Variants in REDIC1 observed in about 807,000 individuals in gnomAD.
The protein encoded by REDIC1 is regulator of DNA class I crossover intermediates 1, also known as HEI10 Interacting Protein 1.
At chr12:39,764,975 T>A in the REDIC1 span, 1 of 1,198,350 alleles carries the variant, frequency 8.3e-7, no homozygotes. Context: ...GTCCAAAATG[T>A]TTTTCTTAAA....
At chr12:39,713,253 C>CAT in the REDIC1 span, among the ~76,000 whole-genome samples, 2 of 131,364 alleles carry the variant, frequency 1.5e-5, no homozygotes, top group African/African-American at 3.3e-5. Context: ...TGTACACACA[C>CAT]ATACGTGTAT....
At chr12:39,633,672 T>C in the REDIC1 span, among the ~76,000 whole-genome samples, 5 of 152,206 alleles carry the variant, frequency 3.3e-5, no homozygotes, top group African/African-American at 1.2e-4. Flanking sequence ...ATGTTAGTAA[T>C]GTTTGCTACC....
the REDIC1 span, among the ~76,000 whole-genome samples, chr12:39,733,162 A>G: frequency 2.0e-5 from 3 of 152,204 alleles, no homozygotes; most frequent in African/African-American, 7.2e-5. Context: ...ATTAAAGAAA[A>G]ATTTAAACAC....
At chr12:39,770,272 A>T in the REDIC1 span, among the ~76,000 whole-genome samples, 1 of 152,088 alleles carries the variant, frequency 6.6e-6, no homozygotes, top group Non-Finnish European at 1.5e-5. Context: ...CCACTGATGG[A>T]ATTTAGGTAC....
chr12:39,854,355 C>T, the REDIC1 span, among the ~76,000 whole-genome samples: 1 of 152,028 alleles, frequency 6.6e-6, no homozygotes, highest in African/African-American at 2.4e-5. Context: ...TTAACAGAAA[C>T]TATTATTATT....
At chr12:39,774,810 TA>T in the REDIC1 span, among the ~76,000 whole-genome samples, 90 of 152,294 alleles carry the variant, frequency 5.9e-4, no homozygotes, top group Admixed American at 1.5e-3. Flanking sequence ...TCATTGCATC[TA>T]AACTCCTTAT....
At chr12:39,799,754 C>G in the REDIC1 span, among the ~76,000 whole-genome samples, 1 of 152,154 alleles carries the variant, frequency 6.6e-6, no homozygotes, top group Non-Finnish European at 1.5e-5. Context: ...TATACAAGAA[C>G]GTGTTTTGAG....
At chr12:39,639,993 C>T in the REDIC1 span, among the ~76,000 whole-genome samples, 14 of 151,238 alleles carry the variant, frequency 9.3e-5, no homozygotes, top group Non-Finnish European at 1.8e-4. Flanking sequence ...ACTGCACTAT[C>T]ATTGGTCTTC....
chr12:39,683,037 T>A, the REDIC1 span: 1 of 1,613,298 alleles, frequency 6.2e-7, no homozygotes, highest in Non-Finnish European at 8.5e-7. Context: ...CAGAAAAATG[T>A]CAGCCAAACA....
At chr12:39,775,087 A>G in the REDIC1 span, among the ~76,000 whole-genome samples, 1 of 152,348 alleles carries the variant, frequency 6.6e-6, no homozygotes, top group Admixed American at 6.5e-5. Flanking sequence ...GGGAAATTAT[A>G]TGCTTCAAGA....
chr12:39,874,050 A>G, the REDIC1 span, among the ~76,000 whole-genome samples: 44 of 152,336 alleles, frequency 2.9e-4, 1 homozygote, highest in East Asian at 8.5e-3. Flanking sequence ...AAAGAATGAA[A>G]TGGAAAGACA....
chr12:39,692,120 T>C, the REDIC1 span: 2 of 1,544,214 alleles, frequency 1.3e-6, no homozygotes, highest in Non-Finnish European at 1.8e-6. Context: ...TCTGTCAGTA[T>C]AACTGTATAA....
At chr12:39,724,978 A>G in the REDIC1 span, among the ~76,000 whole-genome samples, 1 of 152,136 alleles carries the variant, frequency 6.6e-6, no homozygotes, top group Non-Finnish European at 1.5e-5. Context: ...ATTTTTCTAG[A>G]ATGGATCTAT....
chr12:39,896,585 T>C, the REDIC1 span, among the ~76,000 whole-genome samples: 73 of 150,254 alleles, frequency 4.9e-4, no homozygotes, highest in Admixed American at 8.6e-4. Flanking sequence ...TGTGTGTATA[T>C]ATGTATACAT....
the REDIC1 span, among the ~76,000 whole-genome samples, chr12:39,676,580 T>C: frequency 2.0e-5 from 3 of 152,136 alleles, no homozygotes; most frequent in Non-Finnish European, 4.4e-5. Flanking sequence ...GAGATCTAGA[T>C]ATTCAAATAC....
the REDIC1 span, among the ~76,000 whole-genome samples, chr12:39,848,597 T>A: frequency 1.3e-5 from 2 of 152,268 alleles, no homozygotes; most frequent in South Asian, 2.1e-4. Context: ...AATTCACCCA[T>A]TGTGGAAAGC....
chr12:39,713,006 TATATAC>T, the REDIC1 span, among the ~76,000 whole-genome samples: 1 of 142,854 alleles, frequency 7.0e-6, no homozygotes, highest in African/African-American at 2.6e-5. Flanking sequence ...TGTATATGTA[TATATAC>T]ATGTGTATAT....
the REDIC1 span, among the ~76,000 whole-genome samples, chr12:39,864,040 G>C: frequency 6.6e-6 from 1 of 152,170 alleles, no homozygotes. Flanking sequence ...AGACTTTATG[G>C]TGGCTAAAGT....
At chr12:39,805,025 A>AGAGAAGCCCGCTGGAGG in the REDIC1 span, among the ~76,000 whole-genome samples, 3 of 147,664 alleles carry the variant, frequency 2.0e-5, no homozygotes, top group South Asian at 4.4e-4. Flanking sequence ...CCTGCTGGAG[A>AGAGAAGCCCGCTGGAGG]GAGAAGCCTG....
Sources: gnomAD v4.1 joint callset for allele counts (sites outside exome capture counted in the v4.1 genomes callset) on GRCh38, gnomAD v4.1.1 for gene constraint, MANE v1.5 for transcripts, NCBI Gene and HGNC (gene_info 2026-07-23, HGNC 2026-07-21) for gene names.